MIER3: variants seen among roughly 807,000 people sequenced by gnomAD.
MIER3 encodes MIER family member 3.
MIER3 carries 9 observed loss-of-function variants against 63.2 expected under a neutral mutation model. The observed-to-expected ratio is 0.14, with a 90% CI of 0.09 to 0.25. MIER3 has a LOEUF of 0.25. Among genes scored for constraint, MIER3 ranks in the 10% least tolerant of loss-of-function variants. The pLI is 1.00. For synonymous variants in MIER3, 205 were observed against 224.9 expected, an observed-to-expected ratio of 0.91 and a Z score of 0.79; for missense variants, 512 against 666.2, an observed-to-expected ratio of 0.77 and a Z score of 2.55.
At chr5:56,930,329 G>GA (rs1029037481) in intron 9 of MIER3, among the ~76,000 whole-genome samples, 55 of 138,190 alleles carry the variant, frequency 4.0e-4, no homozygotes, top group South Asian at 9.3e-4. Context: ...CTGTCTGGCT[G>GA]AAAAAAAAAA....
Position 56,921,024 on chromosome 5 carries a change from TAATC to T in MIER3, c.*2100_*2103del, listed in dbSNP as rs1346827840. On this transcript the variant is annotated 3_prime_UTR_variant, in exon 13 of 13. Transcript: ENST00000381199. ...CTAAAGTGTCCATTCAACTTGCTGATAATCAAAACTTTAGATAAGAAACACTGTT... is the reference window on the plus strand; with the variant it reads ...CTAAAGTGTCCATTCAACTTGCTGATAAAACTTTAGATAAGAAACACTGTT... The T allele has an allele frequency of 6.6e-6, 1 of 152,560 alleles. No homozygotes were observed. The highest frequency in any genetic ancestry group is 2.4e-5 in the African/African-American group (1 of 41,446). 9.5% of individuals were successfully genotyped at this position (152,560 alleles called of 1,614,324 possible). A position where few individuals can be genotyped will look rare whatever the true frequency, so the allele number is the denominator to read the frequency against.
chr5:56,948,241 CTAAT>C (rs1404839924), intron 2 of MIER3, among the ~76,000 whole-genome samples: 1 of 152,130 alleles, frequency 6.6e-6, no homozygotes, highest in African/African-American at 2.4e-5. Flanking sequence ...TCAGAGAACT[CTAAT>C]TAGTTCTAAA....
chr5:56,920,018 G>GTT lies in MIER3; in HGVS notation c.*3108_*3109dup, dbSNP rs1749594408. The GTT allele has an allele frequency of 6.6e-6, 1 of 152,570 alleles. No individual in the cohort carries two copies. Among genetic ancestry groups the GTT allele is most frequent in the Non-Finnish European group, 1.5e-5 (1 of 68,000 alleles). 9.5% of individuals were successfully genotyped at this position (152,570 alleles called of 1,614,324 possible). A position where few individuals can be genotyped will look rare whatever the true frequency, so the allele number is the denominator to read the frequency against. On this transcript the variant is annotated 3_prime_UTR_variant, in exon 13 of 13. Coordinates refer to ENST00000381199, the MANE Select transcript of MIER3 (RefSeq NM_001297599.2). ...ATCTCCTTGGTGGTCAGGTTTATTT[G>GTT]TTAGTTTACATTCAAAGTTGAAATA... is the stretch of plus-strand genomic sequence containing the variant.
At chr5:56,949,388 TAC>T (rs989782826) in intron 2 of MIER3, among the ~76,000 whole-genome samples, 1 of 152,174 alleles carries the variant, frequency 6.6e-6, no homozygotes, top group Non-Finnish European at 1.5e-5. Flanking sequence ...AAAAACAGGT[TAC>T]ACTGTCTTTT....
At chr5:56,940,061 G>A (rs1264541869) in intron 3 of MIER3, among the ~76,000 whole-genome samples, 1 of 152,128 alleles carries the variant, frequency 6.6e-6, no homozygotes, top group Non-Finnish European at 1.5e-5. Context: ...CAGTCGCAGT[G>A]GCTCACTCCT....
chr5:56,925,385 G>A, intron 10 of MIER3: 1 of 451,598 alleles, frequency 2.2e-6, no homozygotes, highest in Non-Finnish European at 4.4e-6. Context: ...AAAATCGCCT[G>A]TAACTAATAA....
chr5:56,949,930 A>G (rs1402010682), intron 2 of MIER3, among the ~76,000 whole-genome samples: 1 of 152,210 alleles, frequency 6.6e-6, no homozygotes, highest in Non-Finnish European at 1.5e-5. Flanking sequence ...TGGACCTGCT[A>G]CAGGGATTCT....
In MIER3 at chr5:56,921,923, A is replaced by T. The variant is rs1467621914; in HGVS notation, c.*1205T>A. ...CCAAAGTTTAGGACAATGGCTTCTC[A>T]TTCACAATATTTGGAATAAAAATAA... On this transcript the variant is annotated 3_prime_UTR_variant, in exon 13 of 13. Coordinates refer to ENST00000381199, the MANE Select transcript of MIER3 (RefSeq NM_001297599.2). The T allele has an allele frequency of 3.9e-5, 6 of 152,618 alleles. No individual in the cohort carries two copies. Among genetic ancestry groups the T allele is most frequent in the Non-Finnish European group, 5.9e-5 (4 of 68,012 alleles). 9.5% of individuals were successfully genotyped at this position (152,618 alleles called of 1,614,324 possible). A position where few individuals can be genotyped will look rare whatever the true frequency, so the allele number is the denominator to read the frequency against.
At chr5:56,925,539 A>G (rs1322263124) in intron 10 of MIER3, 1 of 221,902 alleles carries the variant, frequency 4.5e-6, no homozygotes, top group East Asian at 1.3e-4. Flanking sequence ...ACTTGGGTAT[A>G]AATATAACAA....
intron 8 of MIER3, among the ~76,000 whole-genome samples, chr5:56,931,312 A>G (rs971911058): frequency 1.3e-5 from 2 of 152,216 alleles, no homozygotes; most frequent in Non-Finnish European, 2.9e-5. Flanking sequence ...AACAGAATTC[A>G]ATTGAAAGTT....
chr5:56,952,177 C>A (rs1360295887), upstream of MIER3: 4 of 1,123,740 alleles, frequency 3.6e-6, no homozygotes, highest in Middle Eastern at 7.0e-4. Flanking sequence ...TCGCAGCCGC[C>A]GCCGCCACCG....
In MIER3 at chr5:56,922,849, G is replaced by A. The variant is rs1749737749; in HGVS notation, c.*279C>T. ...AAGAATAGAAAAAGAAGGGAGTGGG[G>A]AAGAGGTATTGGGAGATGAGGAAGA... On this transcript the variant is annotated 3_prime_UTR_variant, in exon 13 of 13. Transcript: ENST00000381199. The A allele has an allele frequency of 7.8e-6, 3 of 383,384 alleles. No individual in the cohort carries two copies. Among genetic ancestry groups the A allele is most frequent in the South Asian group, 6.9e-5 (2 of 29,036 alleles). 23.7% of individuals were successfully genotyped at this position (383,384 alleles called of 1,614,324 possible).
chr5:56,932,413 T>G (rs1750300267), intron 8 of MIER3, among the ~76,000 whole-genome samples: 1 of 152,234 alleles, frequency 6.6e-6, no homozygotes, highest in South Asian at 2.1e-4. Flanking sequence ...AAGGTTTTAA[T>G]TCTTCTAAAA....
At chr5:56,935,789 T>A (rs1579850861) in intron 5 of MIER3, 38 bp from the exon 6 acceptor site, 2 of 1,507,474 alleles carry the variant, frequency 1.3e-6, no homozygotes, top group Middle Eastern at 3.4e-4. Context: ...TTACTGCCTA[T>A]TTTTGCAGAA....
chr5:56,951,740 A>G (rs1751040790), intron 1 of MIER3, among the ~76,000 whole-genome samples: 1 of 150,980 alleles, frequency 6.6e-6, no homozygotes, highest in Non-Finnish European at 1.5e-5. Context: ...GGCCCGGGGA[A>G]GAGGCGCGGA....
intron 9 of MIER3, among the ~76,000 whole-genome samples, chr5:56,929,941 A>AC (rs1323385980): frequency 6.6e-6 from 1 of 152,218 alleles, no homozygotes; most frequent in East Asian, 1.9e-4. Context: ...AGAAACCAGT[A>AC]TTTTGAGAGT....
In MIER3 at chr5:56,923,880, A is replaced by C. The variant is rs199654246; in HGVS notation, c.1052+35T>G. On this transcript the variant is annotated intron_variant, in intron 11 of 12. Transcript: ENST00000381199. ...TTTTATGACTATATATTACAGTTAA[A>C]AGTAAGTCTTTGAAGGCAAGGCCAC... The C allele has an allele frequency of 4.4e-4, 711 of 1,613,772 alleles. 1 individual carries two copies. The highest frequency in any genetic ancestry group is 5.7e-4 in the Non-Finnish European group (677 of 1,179,954).
rs16886496 is a variant in MIER3, at chr5:56,921,702, T to C, written c.*1426A>G. Reference sequence around the variant, plus strand: ...CCTTGAAGCAACTTATACTTACAAATATTAGCAATGCAGCCAAACATTTGT... The same window carrying C: ...CCTTGAAGCAACTTATACTTACAAACATTAGCAATGCAGCCAAACATTTGT... On this transcript the variant is annotated 3_prime_UTR_variant, in exon 13 of 13. Transcript: ENST00000381199. 13,905 of 152,690 alleles carry C rather than the reference T, an allele frequency of 0.091. 656 individuals carry two copies. Among genetic ancestry groups the C allele is most frequent in the East Asian group, 0.14 (736 of 5,186 alleles). The allele number at this position is 152,690 out of a possible 1,614,324, so 9.5% of individuals were successfully genotyped here.
In MIER3 at chr5:56,933,303, T is replaced by C; in HGVS notation, c.691A>G (p.Ser231Gly). 6.2e-7 allele frequency: 1 copy of C among 1,613,378 alleles called. No individual in the cohort carries two copies. Residue 231 changes from serine to glycine, a missense_variant, in exon 8 of 13, where the codon AGT (serine) becomes GGT (glycine). By Grantham distance (56) the Ser-to-Gly change is moderately conservative. This residue lies in a region of MIER3 where 118 missense variants were observed against 133.6 expected (regional missense o/e 0.88). Coordinates refer to ENST00000381199, the MANE Select transcript of MIER3 (RefSeq NM_001297599.2). ...GAAATCCTATCCATTATTTTTTCACTGCCAGTCCTTAATGAAGTCTCAACA... is the reference window on the plus strand; with the variant it reads ...GAAATCCTATCCATTATTTTTTCACCGCCAGTCCTTAATGAAGTCTCAACA... ...YLVETSLRTGSEKIMDRISAG... is the reference protein window; with the variant it reads ...YLVETSLRTGGEKIMDRISAG...
Sources: gnomAD v4.1 joint callset for allele counts (sites outside exome capture counted in the v4.1 genomes callset) on GRCh38, gnomAD v4.1.1 for gene constraint, gnomAD v4.1.1 regional missense constraint, MANE v1.5 for transcripts, NCBI Gene and HGNC (gene_info 2026-07-23, HGNC 2026-07-21) for gene names.